The following LAMA3 variants were observed in gnomAD, a reference collection of about 807,000 sequenced individuals.
LAMA3 encodes the protein laminin subunit alpha 3.
LAMA3 carries 281 observed loss-of-function variants against 402.0 expected under a neutral mutation model. That is an observed-to-expected ratio of 0.70 (90% CI 0.63 to 0.77). The LOEUF (loss-of-function observed/expected upper bound fraction) is 0.77, where lower values mean the gene tolerates loss of function less well. Ranked by LOEUF, LAMA3 falls within the 30% of genes least tolerant of loss-of-function variation. The probability of loss-of-function intolerance (pLI) is 0.00; values close to 1 mark genes in which losing one functional copy is unlikely to be tolerated. For synonymous variants in LAMA3, 1,431 were observed against 1,558.4 expected, an observed-to-expected ratio of 0.92 and a Z score of 1.93; for missense variants, 3,840 against 4,215.5, an observed-to-expected ratio of 0.91 and a Z score of 2.47.
At chr18:23,732,212 C>G (rs2146009637) in intron 2 of LAMA3, among the ~76,000 whole-genome samples, 1 of 152,266 alleles carries the variant, frequency 6.6e-6, no homozygotes, top group East Asian at 1.9e-4. Context: ...GGGCCACATT[C>G]TGAGCAGCCA....
chr18:23,951,556 G>C (rs879112791), intron 72 of LAMA3, 128 bp from the exon 73 acceptor site: 2 of 709,440 alleles, frequency 2.8e-6, no homozygotes, highest in Admixed American at 4.1e-5. Context: ...CTTCAAAAGC[G>C]GAGGAGGGCC....
chr18:23,771,736 T>G (rs2062203083), intron 8 of LAMA3, among the ~76,000 whole-genome samples: 1 of 152,190 alleles, frequency 6.6e-6, no homozygotes, highest in African/African-American at 2.4e-5. Flanking sequence ...GATAATTATG[T>G]GATAAAGCAA....
chr18:23,707,078 CAA>C (rs766096341), intron 1 of LAMA3, among the ~76,000 whole-genome samples: 25 of 151,566 alleles, frequency 1.6e-4, no homozygotes, highest in Non-Finnish European at 3.2e-4. Flanking sequence ...AACTCCGTCT[CAA>C]AAAAAACAAA....
chr18:23,691,284 ATG>A (rs1252772153), intron 1 of LAMA3, among the ~76,000 whole-genome samples: 1 of 152,184 alleles, frequency 6.6e-6, no homozygotes, highest in Non-Finnish European at 1.5e-5. Flanking sequence ...TTATATTGAT[ATG>A]TGTTGTGCAT....
At position 23,702,181 on chromosome 18, in the gene LAMA3, G is replaced by A. The variant is rs150553122; in HGVS notation, c.295-11739G>A. Among the ~76,000 whole-genome samples, 478 of 152,134 alleles carry A rather than the reference G, an allele frequency of 3.1e-3. 3 individuals are homozygous for A. Among genetic ancestry groups the A allele is most frequent in the Non-Finnish European group, 2.5e-3 (169 of 67,986 alleles). On this transcript the variant is annotated intron_variant, in intron 1 of 74. Transcript: ENST00000313654. Reference sequence around the variant, plus strand: ...GAGGGGAAGGGGGTGGGAGTTTGAGGAGCAAGGAGAATGTGTGAAATAACT... The same window carrying A: ...GAGGGGAAGGGGGTGGGAGTTTGAGAAGCAAGGAGAATGTGTGAAATAACT...
chr18:23,752,311 A>AT (rs1039455595), intron 5 of LAMA3, among the ~76,000 whole-genome samples: 79 of 149,792 alleles, frequency 5.3e-4, no homozygotes, highest in East Asian at 7.8e-4. Context: ...TACCCTACCA[A>AT]TTTTTTTTTT....
chr18:23,689,576 C>A lies in LAMA3; in HGVS notation c.-108C>A, dbSNP rs561187781. On this transcript the variant is annotated 5_prime_UTR_variant, in exon 1 of 75. Transcript: ENST00000313654. ...GCGGCCCCGGCGCCGCCCATATCCCCGGCTGCGCTAGTCCTGGCGCTGCAG... is the reference window on the plus strand; with the variant it reads ...GCGGCCCCGGCGCCGCCCATATCCCAGGCTGCGCTAGTCCTGGCGCTGCAG... The A allele has an allele frequency of 1.2e-4, 135 of 1,095,498 alleles. No homozygotes were observed. In the African/African-American group the frequency reaches 1.8e-3, roughly 15 times the overall value. The allele number at this position is 1,095,498 out of a possible 1,614,324, so 67.9% of individuals were successfully genotyped here.
intron 41 of LAMA3, among the ~76,000 whole-genome samples, chr18:23,887,260 T>G (rs1478919756): frequency 6.6e-6 from 1 of 152,148 alleles, no homozygotes; most frequent in Admixed American, 6.5e-5. Context: ...CTGGGCTAAG[T>G]TGAGCTGCAA....
intron 42 of LAMA3, among the ~76,000 whole-genome samples, chr18:23,891,623 A>G (rs2080668558): frequency 6.6e-6 from 1 of 152,220 alleles, no homozygotes; most frequent in South Asian, 2.1e-4. Context: ...ACCAGACAAA[A>G]TGATGTTAAG....
intron 39 of LAMA3, among the ~76,000 whole-genome samples, chr18:23,880,475 G>A (rs2064859507): frequency 6.6e-6 from 1 of 152,228 alleles, no homozygotes; most frequent in Non-Finnish European, 1.5e-5. Flanking sequence ...TGGACAAACT[G>A]ACGGCATTTA....
intron 12 of LAMA3, among the ~76,000 whole-genome samples, chr18:23,790,082 T>C (rs1263648756): frequency 6.6e-6 from 1 of 152,210 alleles, no homozygotes; most frequent in Admixed American, 6.5e-5. Context: ...AGGGAGTAGA[T>C]AGTTGCAGGG....
intron 38 of LAMA3, chr18:23,872,693 T>C: frequency 3.0e-6 from 1 of 329,248 alleles, no homozygotes; most frequent in Non-Finnish European, 5.9e-6. Flanking sequence ...TCTAGCCTGA[T>C]TAAAATTGAT....
intron 1 of LAMA3, among the ~76,000 whole-genome samples, chr18:23,701,309 AG>A (rs2060785650): frequency 6.6e-6 from 1 of 152,158 alleles, no homozygotes; most frequent in Non-Finnish European, 1.5e-5. Flanking sequence ...GTTGGGCATG[AG>A]TGGAGCTTTC....
intron 33 of LAMA3, among the ~76,000 whole-genome samples, 199 bp from the exon 34 acceptor site, chr18:23,858,490 C>A (rs1326878609): frequency 6.6e-6 from 1 of 152,150 alleles, no homozygotes; most frequent in African/African-American, 2.4e-5. Context: ...TTAGAGAATT[C>A]TCTCCTCCAT....
At chr18:23,911,819 T>C (rs1245438947) in intron 55 of LAMA3, among the ~76,000 whole-genome samples, 1 of 147,008 alleles carries the variant, frequency 6.8e-6, no homozygotes, top group Non-Finnish European at 1.5e-5. Context: ...TATAATCATA[T>C]ATTTTATGCA....
chr18:23,900,791 G>A (rs975338762), intron 47 of LAMA3, among the ~76,000 whole-genome samples: 1 of 152,120 alleles, frequency 6.6e-6, no homozygotes, highest in African/African-American at 2.4e-5. Context: ...ACAGTGGAAG[G>A]AGCATGCACT....
At chr18:23,912,348 T>C (rs1208311799) in intron 55 of LAMA3, among the ~76,000 whole-genome samples, 1 of 152,004 alleles carries the variant, frequency 6.6e-6, no homozygotes, top group African/African-American at 2.4e-5. Flanking sequence ...CCAGGCACCA[T>C]GCCAAGTGCC....
chr18:23,915,219 T>G, intron 58 of LAMA3, 70 bp from the exon 59 acceptor site: 1 of 1,519,488 alleles, frequency 6.6e-7, no homozygotes, highest in Non-Finnish European at 9.1e-7. Flanking sequence ...CTGTTAAAAG[T>G]GATTAATTGA....
chr18:23,781,126 T>C (rs913294392), intron 11 of LAMA3, among the ~76,000 whole-genome samples: 2 of 152,230 alleles, frequency 1.3e-5, no homozygotes, highest in Admixed American at 1.3e-4. Context: ...TCAGAATTCT[T>C]TGAGCCTCAA....
Sources: allele counts gnomAD v4.1 joint callset (sites outside exome capture counted in the v4.1 genomes callset), GRCh38; gene constraint gnomAD v4.1.1; transcripts MANE v1.5; gene names NCBI Gene and HGNC (gene_info 2026-07-23, HGNC 2026-07-21).